The following LOC128092252 variants were observed in gnomAD, a reference collection of about 807,000 sequenced individuals.
At chr15:50,677,292 C>T in the LOC128092252 span, among the ~76,000 whole-genome samples, 1 of 152,020 alleles carries the variant, frequency 6.6e-6, no homozygotes, top group Non-Finnish European at 1.5e-5. Flanking sequence ...ACCTCATCTA[C>T]CCCTGATTAC....
the LOC128092252 span, among the ~76,000 whole-genome samples, chr15:50,657,141 T>A: frequency 6.6e-6 from 1 of 152,072 alleles, no homozygotes; most frequent in Admixed American, 6.5e-5. Context: ...CTGGCCAACA[T>A]GGTGAAACCC....
chr15:50,679,867 C>T, the LOC128092252 span, among the ~76,000 whole-genome samples: 65 of 151,970 alleles, frequency 4.3e-4, no homozygotes, highest in Non-Finnish European at 7.8e-4. Flanking sequence ...GAGTTACACC[C>T]ATCCAGAAAT....
At chr15:50,661,829 T>C in the LOC128092252 span, among the ~76,000 whole-genome samples, 12 of 152,226 alleles carry the variant, frequency 7.9e-5, no homozygotes, top group Admixed American at 7.9e-4. Context: ...AATTTTCATT[T>C]TTTCTAAGTG....
chr15:50,676,989 C>T, the LOC128092252 span, among the ~76,000 whole-genome samples: 2 of 152,176 alleles, frequency 1.3e-5, no homozygotes, highest in Non-Finnish European at 2.9e-5. Context: ...GTAGGAGAGA[C>T]AGTTTGGAGT....
chr15:50,655,752 C>T, the LOC128092252 span, among the ~76,000 whole-genome samples: 7 of 152,170 alleles, frequency 4.6e-5, no homozygotes, highest in African/African-American at 1.4e-4. Context: ...AATTCCAGCA[C>T]TTTGGGAGGC....
the LOC128092252 span, among the ~76,000 whole-genome samples, chr15:50,664,081 C>G: frequency 6.6e-6 from 1 of 152,122 alleles, no homozygotes; most frequent in Non-Finnish European, 1.5e-5. Context: ...GGGCGGATCA[C>G]AAAGTCAGAA....
chr15:50,671,863 G>C, the LOC128092252 span, among the ~76,000 whole-genome samples: 1 of 152,010 alleles, frequency 6.6e-6, no homozygotes, highest in South Asian at 2.1e-4. Flanking sequence ...CATAGCACCA[G>C]GACTACTTGG....
the LOC128092252 span, among the ~76,000 whole-genome samples, chr15:50,685,515 A>G: frequency 2.0e-5 from 3 of 152,252 alleles, no homozygotes; most frequent in Non-Finnish European, 2.9e-5. Context: ...TTATTTATTC[A>G]AAGTATTACT....
chr15:50,648,854 C>G, the LOC128092252 span: 5 of 1,611,334 alleles, frequency 3.1e-6, no homozygotes, highest in African/African-American at 6.7e-5. Flanking sequence ...GTAAAACAAG[C>G]ATGTTGCTTG....
the LOC128092252 span, among the ~76,000 whole-genome samples, chr15:50,670,811 A>G: frequency 3.0e-5 from 2 of 67,268 alleles, no homozygotes; most frequent in Non-Finnish European, 6.3e-5. Context: ...AAAGAAAAAG[A>G]AAAAAAAAAA....
the LOC128092252 span, among the ~76,000 whole-genome samples, chr15:50,651,762 C>T: frequency 2.0e-5 from 3 of 151,972 alleles, no homozygotes; most frequent in South Asian, 2.1e-4. Context: ...TCGTGGCAGT[C>T]GCCTGTAATC....
At chr15:50,683,750 A>C in the LOC128092252 span, among the ~76,000 whole-genome samples, 10 of 152,258 alleles carry the variant, frequency 6.6e-5, no homozygotes, top group East Asian at 1.9e-4. Context: ...ACAACAACAA[A>C]AAAAACAAGT....
the LOC128092252 span, among the ~76,000 whole-genome samples, chr15:50,683,925 A>G: frequency 4.6e-5 from 7 of 151,418 alleles, no homozygotes; most frequent in African/African-American, 1.5e-4. Flanking sequence ...GAATGGCGCA[A>G]TCTTGGCTCA....
chr15:50,662,507 A>G, the LOC128092252 span, among the ~76,000 whole-genome samples: 1 of 152,204 alleles, frequency 6.6e-6, no homozygotes, highest in Non-Finnish European at 1.5e-5. Context: ...TTTCCAGTAA[A>G]TAATGATCTG....
the LOC128092252 span, among the ~76,000 whole-genome samples, chr15:50,671,267 G>A: frequency 3.3e-5 from 5 of 151,994 alleles, no homozygotes; most frequent in Non-Finnish European, 7.4e-5. Context: ...ACTTTTATCA[G>A]TTCAATTTTT....
the LOC128092252 span, among the ~76,000 whole-genome samples, chr15:50,656,499 C>CTTT: frequency 0.028 from 3,684 of 133,468 alleles, 187 homozygotes; most frequent in African/African-American, 0.098. Context: ...GTGTGGTTTT[C>CTTT]TTTTTTTTTT....
At chr15:50,661,417 GAC>G in the LOC128092252 span, among the ~76,000 whole-genome samples, 6 of 152,254 alleles carry the variant, frequency 3.9e-5, no homozygotes, top group East Asian at 3.9e-4. Flanking sequence ...TATTAATAAT[GAC>G]AGTCTTAATG....
chr15:50,659,674 TC>T, the LOC128092252 span, among the ~76,000 whole-genome samples: 1 of 128,446 alleles, frequency 7.8e-6, no homozygotes, highest in Non-Finnish European at 1.8e-5. Context: ...ATCTATTTTT[TC>T]TTTTTTTTTT....
At chr15:50,657,782 T>C in the LOC128092252 span, 1 of 1,611,698 alleles carries the variant, frequency 6.2e-7, no homozygotes, top group Non-Finnish European at 8.5e-7. Flanking sequence ...TAAACTTACC[T>C]GACGAGTTGC....
Sources: gnomAD v4.1 joint callset for allele counts (sites outside exome capture counted in the v4.1 genomes callset) on GRCh38, gnomAD v4.1.1 for gene constraint, MANE v1.5 for transcripts.